NCAM1: variants seen among roughly 807,000 people sequenced by gnomAD.
NCAM1 encodes antigen recognized by monoclonal antibody 5.1H11.
In NCAM1, 14 loss-of-function variants were observed where a neutral mutation model predicts 109.8. The ratio of observed to expected loss-of-function variants is 0.13; its 90% CI spans 0.08 to 0.20. NCAM1 has a LOEUF of 0.20. Among genes scored for constraint, NCAM1 ranks in the 10% least tolerant of loss-of-function variants. The pLI, the probability that NCAM1 is intolerant of heterozygous loss-of-function variation, is 1.00. For missense variants in NCAM1, 774 were observed against 1,109.9 expected (o/e 0.70, Z 4.30); for synonymous variants, 418 against 442.9 (o/e 0.94, Z 0.70).
chr11:113,105,365 T>C (rs1591329297), intron 1 of NCAM1, among the ~76,000 whole-genome samples: 1 of 152,210 alleles, frequency 6.6e-6, no homozygotes, highest in Admixed American at 6.5e-5. Flanking sequence ...TTCCTTTCAT[T>C]GGCATAACAT....
At chr11:112,997,353 G>A (rs781873225) in intron 1 of NCAM1, among the ~76,000 whole-genome samples, 42 of 152,088 alleles carry the variant, frequency 2.8e-4, no homozygotes, top group African/African-American at 7.7e-4. Context: ...TTAATTCACC[G>A]CAAGAATAGA....
At chr11:113,162,864 G>A (rs906003264) in intron 1 of NCAM1, among the ~76,000 whole-genome samples, 11 of 152,124 alleles carry the variant, frequency 7.2e-5, no homozygotes, top group South Asian at 4.2e-4. Context: ...CACATATTCC[G>A]CATGGAAATT....
chr11:113,079,576 T>G (rs1433640288), intron 1 of NCAM1, among the ~76,000 whole-genome samples: 2 of 152,234 alleles, frequency 1.3e-5, no homozygotes, highest in Non-Finnish European at 1.5e-5. Flanking sequence ...AATGTGAACA[T>G]GAAGGTAATC....
chr11:113,173,591 GATATATATATATATATATAT>G lies in NCAM1; in HGVS notation c.53-28771_53-28752del, dbSNP rs5794851. Among the ~76,000 whole-genome samples, 630 of 126,726 alleles carry G rather than the reference GATATATATATATATATATAT, an allele frequency of 5.0e-3. 21 individuals are homozygous for G. Among genetic ancestry groups the G allele is most frequent in the African/African-American group, 0.017 (591 of 34,350 alleles). 83.1% of individuals were successfully genotyped at this position (126,726 alleles called of 152,430 possible). On this transcript the variant is annotated intron_variant, in intron 1 of 19. Transcript: ENST00000316851. ...TATGACTAATATTAGCATGTTACCT[GATATATATATATATATATAT>G]ATATATATATATATATTTTAGAGGG...
In NCAM1 at chr11:112,961,556, G is replaced by GT. The variant is rs782768191; in HGVS notation, c.-57_-56insT. 3.6e-6 allele frequency: 4 copies of GT among 1,104,022 alleles called. No homozygotes were observed. The highest frequency in any genetic ancestry group is 1.2e-5 in the South Asian group (1 of 80,294). The allele number at this position is 1,104,022 out of a possible 1,614,324, so 68.4% of individuals were successfully genotyped here. ...CAGCCGCCGTCCACACTCGCTGCAG[G>GT]GGGGGGGGCACAGAATTTACCGCGG... On this transcript the variant is annotated 5_prime_UTR_variant, in exon 1 of 20. Coordinates refer to ENST00000316851, the MANE Select transcript of NCAM1 (RefSeq NM_181351.5).
intron 15 of NCAM1, among the ~76,000 whole-genome samples, chr11:113,248,741 G>T (rs915843101): frequency 6.6e-6 from 1 of 152,182 alleles, no homozygotes; most frequent in African/African-American, 2.4e-5. Flanking sequence ...GCAGCACTGC[G>T]TGAAGTGTGG....
chr11:113,163,020 C>T (rs1942653932), intron 1 of NCAM1, among the ~76,000 whole-genome samples: 1 of 152,190 alleles, frequency 6.6e-6, no homozygotes, highest in African/African-American at 2.4e-5. Flanking sequence ...ACAGGTAGGG[C>T]TCAGACTTAA....
chr11:113,133,766 C>T (rs1941496805), intron 1 of NCAM1: 2 of 151,898 alleles, frequency 1.3e-5, no homozygotes, highest in Non-Finnish European at 2.9e-5. Flanking sequence ...TGTGTAAAGA[C>T]AAAAATATTA....
chr11:113,027,238 C>T (rs1278625669), intron 1 of NCAM1, among the ~76,000 whole-genome samples: 1 of 152,026 alleles, frequency 6.6e-6, no homozygotes, highest in Non-Finnish European at 1.5e-5. Flanking sequence ...ATGTGTTTTC[C>T]AAATGAAGAA....
intron 1 of NCAM1, among the ~76,000 whole-genome samples, chr11:113,131,680 G>T (rs1463764226): frequency 2.0e-5 from 3 of 152,150 alleles, no homozygotes; most frequent in African/African-American, 7.2e-5. Flanking sequence ...GTCATTCAGG[G>T]GTCCAGGATG....
At chr11:113,205,179 TGGATGTTCCACC>T (rs1555112636) in intron 3 of NCAM1, among the ~76,000 whole-genome samples, 2 of 152,234 alleles carry the variant, frequency 1.3e-5, no homozygotes, top group Non-Finnish European at 2.9e-5. Flanking sequence ...CGTTGTGGAA[TGGATGTTCCACC>T]AGTTCATTCT....
At chr11:113,194,998 G>C (rs1555110577) in intron 1 of NCAM1, among the ~76,000 whole-genome samples, 1 of 152,220 alleles carries the variant, frequency 6.6e-6, no homozygotes, top group Non-Finnish European at 1.5e-5. Context: ...ATGACTTCTA[G>C]GTGATTTCAG....
intron 1 of NCAM1, among the ~76,000 whole-genome samples, chr11:113,152,459 CAT>C (rs1275511375): frequency 6.6e-6 from 1 of 152,236 alleles, no homozygotes; most frequent in Non-Finnish European, 1.5e-5. Context: ...TAAAAATATC[CAT>C]GTGATGCTTT....
chr11:113,136,671 G>A (rs147621410), intron 1 of NCAM1, among the ~76,000 whole-genome samples: 1 of 152,314 alleles, frequency 6.6e-6, no homozygotes, highest in Non-Finnish European at 1.5e-5. Flanking sequence ...CCCAGGCAGA[G>A]GAATGGATAG....
intron 1 of NCAM1, among the ~76,000 whole-genome samples, chr11:113,029,551 G>A (rs1240792942): frequency 2.0e-5 from 3 of 152,190 alleles, no homozygotes; most frequent in Admixed American, 6.5e-5. Context: ...TAGCAACAGG[G>A]TTAAAGGGAG....
intron 1 of NCAM1, among the ~76,000 whole-genome samples, chr11:112,964,258 T>G (rs1555064632): frequency 6.7e-6 from 1 of 150,282 alleles, no homozygotes; most frequent in Non-Finnish European, 1.5e-5. Flanking sequence ...CAAGCTAACC[T>G]TAATACGTCA....
Position 113,128,726 on chromosome 11 carries a change from T to C in NCAM1, c.53-73653T>C, listed in dbSNP as rs61902494. Among the ~76,000 whole-genome samples, 558 of 152,248 alleles carry C rather than the reference T, an allele frequency of 3.7e-3. 2 individuals are homozygous for C. The highest frequency in any genetic ancestry group is 5.7e-3 in the Non-Finnish European group (386 of 68,014). ...GTATTTCTCATTTTATTGGAGACTC[T>C]TTTTAGCAGGGTCAACTTGGATTCC... On this transcript the variant is annotated intron_variant, in intron 1 of 19. Transcript: ENST00000316851.
chr11:113,141,908 C>T (rs189013414), intron 1 of NCAM1, among the ~76,000 whole-genome samples: 67 of 152,220 alleles, frequency 4.4e-4, no homozygotes, highest in African/African-American at 1.4e-3. Context: ...AGGATTAAGA[C>T]AAATTACTGG....
chr11:113,249,957 G>A (rs1945619387), intron 15 of NCAM1, among the ~76,000 whole-genome samples: 1 of 152,158 alleles, frequency 6.6e-6, no homozygotes, highest in East Asian at 1.9e-4. Context: ...GCTGCGGGGA[G>A]CTCAGCATCC....
Sources: allele counts gnomAD v4.1 joint callset (sites outside exome capture counted in the v4.1 genomes callset), GRCh38; gene constraint gnomAD v4.1.1; transcripts MANE v1.5; gene names NCBI Gene and HGNC (gene_info 2026-07-23, HGNC 2026-07-21).